Variants in CNTN1 observed in about 807,000 individuals in gnomAD.
The protein encoded by CNTN1 is contactin-1.
Under a neutral mutation model 126.4 loss-of-function variants are expected in CNTN1, and 38 were observed. That is an observed-to-expected ratio of 0.30 (90% CI 0.23 to 0.39). The LOEUF is 0.39. Among genes scored for constraint, CNTN1 ranks in the 10% least tolerant of loss-of-function variants. CNTN1 has a pLI of 1.00. For synonymous variants in CNTN1, 413 were observed against 422.6 expected, an observed-to-expected ratio of 0.98 and a Z score of 0.28; for missense variants, 1,009 against 1,248.4, an observed-to-expected ratio of 0.81 and a Z score of 2.89.
At chr12:40,730,314 T>C (rs1194658210) in intron 1 of CNTN1, among the ~76,000 whole-genome samples, 1 of 152,216 alleles carries the variant, frequency 6.6e-6, no homozygotes, top group Non-Finnish European at 1.5e-5. Flanking sequence ...TTCTCTTCTT[T>C]ATTTTATTTC....
intron 15 of CNTN1, among the ~76,000 whole-genome samples, chr12:40,970,632 C>T (rs1947476065): frequency 6.6e-6 from 1 of 152,090 alleles, no homozygotes; most frequent in African/African-American, 2.4e-5. Flanking sequence ...AACAATATTG[C>T]TGTATTAATA....
intron 1 of CNTN1, among the ~76,000 whole-genome samples, chr12:40,810,978 G>T (rs1247963602): frequency 6.6e-6 from 1 of 152,146 alleles, no homozygotes; most frequent in Non-Finnish European, 1.5e-5. Flanking sequence ...ACTCCAGCCT[G>T]GGTGACAGAA....
intron 15 of CNTN1, among the ~76,000 whole-genome samples, chr12:40,961,544 C>A (rs1256141964): frequency 6.6e-6 from 1 of 151,702 alleles, no homozygotes; most frequent in African/African-American, 2.4e-5. Flanking sequence ...GAAATCATAA[C>A]CTGGAGTCTA....
intron 1 of CNTN1, among the ~76,000 whole-genome samples, chr12:40,759,496 C>T (rs1001444163): frequency 6.7e-6 from 1 of 149,436 alleles, no homozygotes; most frequent in East Asian, 2.0e-4. Context: ...GACAGGGTCT[C>T]ACTCTGTCAC....
intron 5 of CNTN1, among the ~76,000 whole-genome samples, chr12:40,923,317 G>T (rs1945518856): frequency 6.6e-6 from 1 of 151,676 alleles, no homozygotes. Flanking sequence ...AGATGAGTTG[G>T]ACCAGGTGAT....
intron 7 of CNTN1, among the ~76,000 whole-genome samples, chr12:40,932,724 A>G (rs1476682469): frequency 6.6e-6 from 1 of 151,802 alleles, no homozygotes; most frequent in Non-Finnish European, 1.5e-5. Context: ...ACTTCTAACT[A>G]CCGTCCTCAT....
intron 1 of CNTN1, among the ~76,000 whole-genome samples, chr12:40,756,374 A>G (rs1592052898): frequency 1.3e-5 from 2 of 152,260 alleles, no homozygotes; most frequent in Admixed American, 1.3e-4. Flanking sequence ...TGGTGTAACC[A>G]TAGGAGCTGC....
chr12:40,833,692 G>A (rs1941944104), intron 1 of CNTN1, among the ~76,000 whole-genome samples: 1 of 152,090 alleles, frequency 6.6e-6, no homozygotes, highest in African/African-American at 2.4e-5. Flanking sequence ...GGTTGATAAA[G>A]GGAGGGTATA....
chr12:40,971,489 T>G (rs1947509465), intron 15 of CNTN1: 1 of 1,596,758 alleles, frequency 6.3e-7, no homozygotes, highest in African/African-American at 1.3e-5. Context: ...TCCCCGTCTG[T>G]GCAAGCCTGC....
intron 15 of CNTN1, chr12:40,971,543 C>CA: frequency 8.0e-7 from 1 of 1,245,332 alleles, no homozygotes; most frequent in Non-Finnish European, 1.1e-6. Flanking sequence ...CTGTGAAAGA[C>CA]TTTTTTTTTT....
intron 14 of CNTN1, among the ~76,000 whole-genome samples, chr12:40,958,377 G>GTGTA (rs370782392): frequency 0.13 from 16,083 of 124,086 alleles, 883 homozygotes; most frequent in Non-Finnish European, 0.14. Flanking sequence ...GTGTGTGTGT[G>GTGTA]TGTATGTATG....
At chr12:40,977,404 T>C (rs1340428469) in intron 15 of CNTN1, among the ~76,000 whole-genome samples, 1 of 152,128 alleles carries the variant, frequency 6.6e-6, no homozygotes, top group Non-Finnish European at 1.5e-5. Flanking sequence ...TAATGAGGCA[T>C]GTCTGGCTGC....
intron 1 of CNTN1, among the ~76,000 whole-genome samples, chr12:40,818,941 A>G (rs1941347178): frequency 6.6e-6 from 1 of 151,984 alleles, no homozygotes; most frequent in African/African-American, 2.4e-5. Context: ...TCCCTCTTCC[A>G]TAGGGCTGCT....
At chr12:41,020,500 T>C in intron 20 of CNTN1, 60 bp downstream of exon 20, 3 of 1,077,584 alleles carry the variant, frequency 2.8e-6, no homozygotes, top group East Asian at 5.1e-5. Context: ...GCATACGTTT[T>C]CAAATGTGTT....
intron 17 of CNTN1, among the ~76,000 whole-genome samples, chr12:40,994,278 G>T (rs892315753): frequency 1.3e-5 from 2 of 152,158 alleles, no homozygotes; most frequent in Admixed American, 6.5e-5. Context: ...AAAGAATGGT[G>T]TTCAGCTAAG....
At chr12:41,034,173 A>G (rs1257087353) in intron 23 of CNTN1, among the ~76,000 whole-genome samples, 1 of 152,208 alleles carries the variant, frequency 6.6e-6, no homozygotes, top group Non-Finnish European at 1.5e-5. Flanking sequence ...TAAAGTTACT[A>G]TATATTCATT....
chr12:40,830,803 A>G (rs866951990), intron 1 of CNTN1, among the ~76,000 whole-genome samples: 2,980 of 109,252 alleles, frequency 0.027, 91 homozygotes, highest in Middle Eastern at 0.069. Flanking sequence ...ATATATATAT[A>G]TATATATATA....
intron 1 of CNTN1, among the ~76,000 whole-genome samples, chr12:40,721,125 C>T (rs945982532): frequency 6.6e-6 from 1 of 152,022 alleles, no homozygotes; most frequent in Non-Finnish European, 1.5e-5. Flanking sequence ...TCTCCTCTTT[C>T]GGAATCCCAG....
intron 20 of CNTN1, among the ~76,000 whole-genome samples, chr12:41,022,658 G>A (rs892702357): frequency 5.3e-5 from 8 of 152,128 alleles, no homozygotes; most frequent in South Asian, 2.1e-4. Context: ...CTGATAACAC[G>A]TCTTGAGTTC....
Sources: gnomAD v4.1 joint callset for allele counts (sites outside exome capture counted in the v4.1 genomes callset) on GRCh38, gnomAD v4.1.1 for gene constraint, MANE v1.5 for transcripts, NCBI Gene and HGNC (gene_info 2026-07-23, HGNC 2026-07-21) for gene names.